The following DKK3 variants were observed in gnomAD, a reference collection of about 807,000 sequenced individuals.
DKK3 encodes dickkopf Wnt signaling pathway inhibitor 3.
DKK3 carries 22 observed loss-of-function variants against 33.2 expected under a neutral mutation model. The ratio of observed to expected loss-of-function variants is 0.66; its 90% confidence interval spans 0.47 to 0.95. The LOEUF is 0.95. Among genes scored for constraint, DKK3 ranks in the 40% least tolerant of loss-of-function variants. The pLI is 0.00. For synonymous variants in DKK3, 194 were observed against 188.8 expected (o/e 1.03, Z -0.23); for missense variants, 398 against 458.4 (o/e 0.87, Z 1.20).
intron 3 of DKK3, among the ~76,000 whole-genome samples, chr11:11,981,457 A>T (rs1356047946): frequency 6.6e-6 from 1 of 152,212 alleles, no homozygotes; most frequent in East Asian, 1.9e-4. Flanking sequence ...GAATCCAGGA[A>T]CATAATAAAC....
intron 3 of DKK3, 80 bp from the exon 4 acceptor site, chr11:11,968,567 G>T (rs1362793663): frequency 1.5e-6 from 2 of 1,367,108 alleles, no homozygotes; most frequent in East Asian, 2.6e-5. Context: ...GGCCAGGCCC[G>T]CTTCCATTCC....
At chr11:11,981,253 G>A (rs1010675310) in intron 3 of DKK3, among the ~76,000 whole-genome samples, 1 of 152,178 alleles carries the variant, frequency 6.6e-6, no homozygotes, top group African/African-American at 2.4e-5. Context: ...ATATTGTGAG[G>A]AAGTCCAGGC....
At chr11:11,983,224 T>C (rs935107469) in intron 3 of DKK3, among the ~76,000 whole-genome samples, 1 of 152,178 alleles carries the variant, frequency 6.6e-6, no homozygotes, top group Non-Finnish European at 1.5e-5. Flanking sequence ...TAAATTTGGT[T>C]TTCCTTTGCC....
chr11:12,002,318 C>G lies in DKK3; in HGVS notation c.333G>C (p.Val111=). The G allele has an allele frequency of 6.2e-7, 1 of 1,613,572 alleles. No individual in the cohort carries two copies. Among genetic ancestry groups the G allele is most frequent in the Admixed American group, 1.7e-5 (1 of 59,900 alleles). Residue 111 remains valine (V), a synonymous_variant, in exon 2 of 7, where the codon GTG becomes GTC. Coordinates refer to ENST00000683431, the MANE Select transcript of DKK3 (RefSeq NM_001018057.2). ...DTKVGNNTIH[V]HREIHKITNN... is the part of the protein sequence containing the mutation. The stretch of plus-strand genomic sequence containing the variant: ...GACTTACCTTGTGAATTTCTCGGTG[C>G]ACATGGATGGTATTATTTCCAACCT...
At chr11:11,968,603 A>G in intron 3 of DKK3, 116 bp from the exon 4 acceptor site, 1 of 1,014,378 alleles carries the variant, frequency 9.9e-7, no homozygotes, top group Non-Finnish European at 1.4e-6. Flanking sequence ...CAGGCTCAGC[A>G]GGGTCAGGAA....
chr11:11,998,412 T>C (rs958555899), intron 3 of DKK3: 1 of 522,078 alleles, frequency 1.9e-6, no homozygotes, highest in African/African-American at 1.9e-5. Flanking sequence ...AGTCAACATG[T>C]CTGGTACTTG....
At chr11:11,985,252 C>A (rs936798307) in intron 3 of DKK3, among the ~76,000 whole-genome samples, 4 of 152,280 alleles carry the variant, frequency 2.6e-5, no homozygotes, top group Non-Finnish European at 4.4e-5. Context: ...CACCAAGGAG[C>A]CCGGCCACAC....
At chr11:11,968,611 G>C in intron 3 of DKK3, 124 bp from the exon 4 acceptor site, 1 of 871,472 alleles carries the variant, frequency 1.1e-6, no homozygotes, top group South Asian at 1.8e-5. Flanking sequence ...GCAGGGTCAG[G>C]AAAGGCCTCC....
At chr11:11,989,019 T>C (rs1453901440) in intron 3 of DKK3, among the ~76,000 whole-genome samples, 1 of 152,178 alleles carries the variant, frequency 6.6e-6, no homozygotes, top group Non-Finnish European at 1.5e-5. Flanking sequence ...CAGCTTACAT[T>C]GGGCACTTAT....
At chr11:11,982,686 G>T (rs912258894) in intron 3 of DKK3, among the ~76,000 whole-genome samples, 37 of 152,254 alleles carry the variant, frequency 2.4e-4, no homozygotes, top group African/African-American at 8.9e-4. Context: ...GGGCCAGGGA[G>T]AGCACAGCCA....
In DKK3 at chr11:11,963,960, T is replaced by C. The variant is rs1362721836; in HGVS notation, c.*504A>G. On this transcript the variant is annotated 3_prime_UTR_variant, in exon 7 of 7. Transcript: ENST00000683431. ...ATGAATAAACACATGTAATGCAGGG[T>C]GAACAGAACATTTCATCTGCAACAG... 6.2e-6 allele frequency: 1 copy of C among 161,918 alleles called. No homozygotes were observed. Among genetic ancestry groups the C allele is most frequent in the African/African-American group, 2.4e-5 (1 of 41,522 alleles). The allele number at this position is 161,918 out of a possible 1,614,324, so 10.0% of individuals were successfully genotyped here. A position where few individuals can be genotyped will look rare whatever the true frequency, so the allele number is the denominator to read the frequency against.
At chr11:11,985,522 A>G (rs1387175252) in intron 3 of DKK3, among the ~76,000 whole-genome samples, 1 of 152,232 alleles carries the variant, frequency 6.6e-6, no homozygotes, top group East Asian at 1.9e-4. Context: ...TTCCATTACT[A>G]TTAGTGACCT....
chr11:11,974,675 T>A (rs906376087), intron 3 of DKK3, among the ~76,000 whole-genome samples: 4 of 152,096 alleles, frequency 2.6e-5, no homozygotes, highest in Admixed American at 2.6e-4. Flanking sequence ...TCAACATGAG[T>A]TCTGGAGCAG....
intron 5 of DKK3, among the ~76,000 whole-genome samples, chr11:11,966,633 C>T (rs12270407): frequency 0.043 from 6,595 of 152,000 alleles, 417 homozygotes; most frequent in African/African-American, 0.15. Context: ...GGAGTGGAAG[C>T]GGGTGATTCA....
intron 3 of DKK3, among the ~76,000 whole-genome samples, chr11:11,990,491 G>A (rs1242782611): frequency 1.3e-5 from 2 of 152,258 alleles, no homozygotes; most frequent in African/African-American, 2.4e-5. Context: ...ACGAATGTCT[G>A]TCTTCCAAAC....
chr11:12,008,099 G>A lies in DKK3; in HGVS notation c.213+271C>T, dbSNP rs1315129920. Among the ~76,000 whole-genome samples, 1 of 152,046 alleles carries A rather than the reference G, an allele frequency of 6.6e-6. No individual in the cohort carries two copies. The highest frequency in any genetic ancestry group is 2.4e-5 in the African/African-American group (1 of 41,400). On this transcript the variant is annotated intron_variant, in intron 1 of 6. Coordinates refer to ENST00000683431, the MANE Select transcript of DKK3 (RefSeq NM_001018057.2). The surrounding 1 kb of genome is among the most constrained non-coding windows in gnomAD (Gnocchi z 4.6). ...ACGGCATGCCTGACGCCAACTGCAG[G>A]CAGGTGGTGGCCCCAGCTACCTAGG...
chr11:12,006,620 G>A (rs555167401), intron 1 of DKK3, among the ~76,000 whole-genome samples: 1 of 152,314 alleles, frequency 6.6e-6, no homozygotes, highest in Admixed American at 6.5e-5. Context: ...CACATCTAGA[G>A]GGAGGAAAGC....
chr11:11,981,020 C>T (rs138551533), intron 3 of DKK3, among the ~76,000 whole-genome samples: 1 of 152,184 alleles, frequency 6.6e-6, no homozygotes, highest in Non-Finnish European at 1.5e-5. Context: ...CAAGGGACTG[C>T]TTCCAGAAAC....
chr11:12,001,513 G>A (rs1483133647), intron 2 of DKK3, among the ~76,000 whole-genome samples: 2 of 152,184 alleles, frequency 1.3e-5, no homozygotes, highest in East Asian at 1.9e-4. Context: ...ATGAGCTGAG[G>A]GGGCAGGCTC....
Sources: gnomAD v4.1 joint callset for allele counts (sites outside exome capture counted in the v4.1 genomes callset) on GRCh38, gnomAD v4.1.1 for gene constraint, Gnocchi (gnomAD v3.1) non-coding constraint, MANE v1.5 for transcripts, NCBI Gene and HGNC (gene_info 2026-07-23, HGNC 2026-07-21) for gene names.